Variants in CHST11 observed in about 807,000 individuals in gnomAD.
The protein encoded by CHST11 is C4S-1.
In CHST11, 9 loss-of-function variants were observed where a neutral mutation model predicts 30.4. The observed-to-expected ratio is 0.30, with a 90% CI of 0.18 to 0.52. The LOEUF is 0.52. Ranked by LOEUF, CHST11 falls within the 20% of genes least tolerant of loss-of-function variation. The pLI is 0.97. For missense variants in CHST11, 348 were observed against 460.6 expected, an observed-to-expected ratio of 0.76 and a Z score of 2.24; for synonymous variants, 152 against 187.8, an observed-to-expected ratio of 0.81 and a Z score of 1.56.
intron 1 of CHST11, among the ~76,000 whole-genome samples, chr12:104,581,767 A>G (rs974250486): frequency 6.6e-6 from 1 of 152,150 alleles, no homozygotes; most frequent in Non-Finnish European, 1.5e-5. Flanking sequence ...AGGGCCTGTT[A>G]CCCTGGAGCT....
chr12:104,522,515 G>T (rs2038082953), intron 1 of CHST11, among the ~76,000 whole-genome samples: 1 of 152,154 alleles, frequency 6.6e-6, no homozygotes, highest in Non-Finnish European at 1.5e-5. Context: ...GAATTACCTG[G>T]TGTACTTTAA....
intron 1 of CHST11, among the ~76,000 whole-genome samples, chr12:104,488,353 G>A (rs1409596859): frequency 1.3e-5 from 2 of 152,030 alleles, no homozygotes; most frequent in African/African-American, 2.4e-5. Flanking sequence ...GTGTATGCAT[G>A]TGTGTGCGTA....
chr12:104,602,297 C>T, intron 2 of CHST11: 1 of 437,678 alleles, frequency 2.3e-6, no homozygotes, highest in Admixed American at 4.1e-5. Context: ...TAAAGGTCCA[C>T]CGAAGCTGTG....
chr12:104,478,371 G>T (rs980091026), intron 1 of CHST11, among the ~76,000 whole-genome samples: 1 of 152,094 alleles, frequency 6.6e-6, no homozygotes, highest in Non-Finnish European at 1.5e-5. Context: ...TGTGATGTTT[G>T]CCACGTGAAT....
intron 1 of CHST11, among the ~76,000 whole-genome samples, chr12:104,576,856 C>T (rs1290525865): frequency 1.3e-5 from 2 of 152,140 alleles, no homozygotes; most frequent in East Asian, 1.9e-4. Context: ...GGGACATTCA[C>T]GTTCCTCCAA....
At chr12:104,540,781 G>T (rs543599027) in intron 1 of CHST11, among the ~76,000 whole-genome samples, 2 of 152,300 alleles carry the variant, frequency 1.3e-5, no homozygotes, top group African/African-American at 4.8e-5. Flanking sequence ...GCCTCCAGAC[G>T]GCCCAGGGTG....
intron 1 of CHST11, among the ~76,000 whole-genome samples, chr12:104,468,602 C>A (rs183735342): frequency 2.4e-4 from 36 of 152,322 alleles, no homozygotes; most frequent in Admixed American, 1.6e-3. Flanking sequence ...AAGGGTGGGA[C>A]CTTTCTGCCC....
intron 2 of CHST11, among the ~76,000 whole-genome samples, chr12:104,697,416 G>A (rs1303215629): frequency 6.6e-6 from 1 of 152,162 alleles, no homozygotes; most frequent in African/African-American, 2.4e-5. Context: ...ACAAAAAGGT[G>A]GAGGAAGGGC....
intron 2 of CHST11, among the ~76,000 whole-genome samples, chr12:104,714,636 C>T (rs1054590713): frequency 7.2e-5 from 11 of 152,158 alleles, no homozygotes; most frequent in Non-Finnish European, 1.2e-4. Context: ...GGCTGCTTGA[C>T]GTTCACCCTG....
At chr12:104,599,011 C>A (rs111366614) in intron 1 of CHST11, among the ~76,000 whole-genome samples, 1 of 151,788 alleles carries the variant, frequency 6.6e-6, no homozygotes, top group East Asian at 1.9e-4. Context: ...AAGGGAGGCG[C>A]GGAGGGGTTA....
intron 2 of CHST11, among the ~76,000 whole-genome samples, chr12:104,632,948 G>A (rs138651007): frequency 2.0e-5 from 3 of 152,366 alleles, no homozygotes; most frequent in Non-Finnish European, 2.9e-5. Context: ...TTGGTGAAAC[G>A]CTTGTGGTTC....
chr12:104,645,062 C>T (rs2039413620), intron 2 of CHST11, among the ~76,000 whole-genome samples: 1 of 152,190 alleles, frequency 6.6e-6, no homozygotes, highest in Non-Finnish European at 1.5e-5. Context: ...ATTCTCCTGC[C>T]TCAGCCTCCC....
At chr12:104,687,433 C>T (rs539428756) in intron 2 of CHST11, among the ~76,000 whole-genome samples, 2 of 152,330 alleles carry the variant, frequency 1.3e-5, no homozygotes, top group African/African-American at 4.8e-5. Flanking sequence ...AAGCGCTTTA[C>T]CTGAGTTATC....
At chr12:104,734,645 G>A (rs750978871) in intron 2 of CHST11, among the ~76,000 whole-genome samples, 3 of 152,134 alleles carry the variant, frequency 2.0e-5, no homozygotes, top group Non-Finnish European at 4.4e-5. Context: ...TGGGGTTATT[G>A]CCCTGTAGTT....
chr12:104,532,141 G>A (rs1046102065), intron 1 of CHST11, among the ~76,000 whole-genome samples: 4 of 152,112 alleles, frequency 2.6e-5, no homozygotes, highest in Non-Finnish European at 2.9e-5. Flanking sequence ...CCAGCCCCAC[G>A]AATCGGCTTT....
intron 2 of CHST11, among the ~76,000 whole-genome samples, chr12:104,622,877 G>A (rs766759066): frequency 2.0e-4 from 31 of 152,194 alleles, no homozygotes; most frequent in Non-Finnish European, 4.1e-4. Flanking sequence ...ATAGCCAAGG[G>A]TCAATTAACT....
chr12:104,549,932 G>T (rs2136008413), intron 1 of CHST11, among the ~76,000 whole-genome samples: 1 of 152,248 alleles, frequency 6.6e-6, no homozygotes, highest in Non-Finnish European at 1.5e-5. Flanking sequence ...TAATTTGGAA[G>T]ACATGGACCC....
chr12:104,546,741 T>C (rs941473214), intron 1 of CHST11, among the ~76,000 whole-genome samples: 1 of 152,096 alleles, frequency 6.6e-6, no homozygotes, highest in African/African-American at 2.4e-5. Flanking sequence ...TAACTTCCTC[T>C]TTTCCCCACT....
intron 2 of CHST11, among the ~76,000 whole-genome samples, chr12:104,745,201 C>G (rs564222076): frequency 6.6e-6 from 1 of 152,248 alleles, no homozygotes; most frequent in South Asian, 2.1e-4. Context: ...AATAGGGAAT[C>G]CTTTCCTCAT....
Sources: gnomAD v4.1 joint callset for allele counts (sites outside exome capture counted in the v4.1 genomes callset) on GRCh38, gnomAD v4.1.1 for gene constraint, MANE v1.5 for transcripts, NCBI Gene and HGNC (gene_info 2026-07-23, HGNC 2026-07-21) for gene names.